Variants in SDCCAG8 observed in about 807,000 individuals in gnomAD.
SDCCAG8 encodes serologically defined colon cancer antigen 8.
In SDCCAG8, 74 loss-of-function variants were observed where a neutral mutation model predicts 101.8. The ratio of observed to expected loss-of-function variants is 0.73; its 90% CI spans 0.60 to 0.88. The LOEUF (loss-of-function observed/expected upper bound fraction) is 0.88. Among genes scored for constraint, SDCCAG8 ranks in the 40% least tolerant of loss-of-function variants. The pLI is 0.00. For missense variants in SDCCAG8, 787 were observed against 822.6 expected (o/e 0.96, Z 0.53); for synonymous variants, 281 against 292.9 (o/e 0.96, Z 0.41).
intron 4 of SDCCAG8, among the ~76,000 whole-genome samples, chr1:243,284,914 G>T (rs2069451817): frequency 6.6e-6 from 1 of 151,072 alleles, no homozygotes; most frequent in Non-Finnish European, 1.5e-5. Flanking sequence ...ACGGAGTCTC[G>T]CTCTGTCACC....
chr1:243,420,265 A>G (rs897366249), intron 15 of SDCCAG8, among the ~76,000 whole-genome samples: 1 of 152,180 alleles, frequency 6.6e-6, no homozygotes, highest in Non-Finnish European at 1.5e-5. Flanking sequence ...CTAAAGCCAC[A>G]CTGCAGGATT....
chr1:243,293,132 TG>T lies in SDCCAG8; in HGVS notation c.592del (p.Val198TrpfsTer26), dbSNP rs1558245446. 1 of 1,614,158 alleles carries T rather than the reference TG, an allele frequency of 6.2e-7. No individual in the cohort carries two copies. The highest frequency in any genetic ancestry group is 8.5e-7 in the Non-Finnish European group (1 of 1,180,006). ...NSWITTGEDS[G>X]VGETSKRPFS... is the part of the protein sequence containing the mutation. ...CTTGGATTACAACAGGTGAAGATTCTGGGGTGGGCGAAACCTCCAAAAGACC... is the reference window on the plus strand; with the variant it reads ...CTTGGATTACAACAGGTGAAGATTCTGGGTGGGCGAAACCTCCAAAAGACC... On this transcript the variant is annotated frameshift_variant, in exon 6 of 18. Coordinates refer to ENST00000366541, the MANE Select transcript of SDCCAG8 (RefSeq NM_006642.5). LOFTEE classifies it high-confidence loss of function.
chr1:243,386,184 G>T (rs1357406307), intron 13 of SDCCAG8, among the ~76,000 whole-genome samples: 1 of 152,160 alleles, frequency 6.6e-6, no homozygotes, highest in African/African-American at 2.4e-5. Context: ...GTAATTTACA[G>T]CTGAGGCAAC....
At chr1:243,347,845 CT>C (rs1302896758) in intron 12 of SDCCAG8, among the ~76,000 whole-genome samples, 2 of 152,196 alleles carry the variant, frequency 1.3e-5, no homozygotes, top group Non-Finnish European at 2.9e-5. Context: ...GAAGACGATT[CT>C]TTATAGCCGC....
intron 16 of SDCCAG8, among the ~76,000 whole-genome samples, chr1:243,448,800 T>C (rs193021794): frequency 2.6e-5 from 4 of 152,364 alleles, no homozygotes; most frequent in African/African-American, 9.6e-5. Context: ...CTCTTGCCTA[T>C]AGTTCAGATC....
intron 16 of SDCCAG8, among the ~76,000 whole-genome samples, chr1:243,484,873 A>G (rs562057733): frequency 1.8e-4 from 28 of 152,164 alleles, no homozygotes; most frequent in South Asian, 8.3e-4. Context: ...GTGAAACCCC[A>G]TCTCTACTAA....
intron 16 of SDCCAG8, among the ~76,000 whole-genome samples, chr1:243,487,230 C>T (rs1268030387): frequency 6.6e-6 from 1 of 152,176 alleles, no homozygotes; most frequent in Non-Finnish European, 1.5e-5. Flanking sequence ...GGGACGTCCT[C>T]CTCTCTCCCG....
At chr1:243,293,016 G>A in intron 5 of SDCCAG8, 75 bp from the exon 6 acceptor site, 15 of 1,525,046 alleles carry the variant, frequency 9.8e-6, no homozygotes, top group Non-Finnish European at 1.4e-5. Context: ...GGTAAGAATA[G>A]GTATTTTATT....
intron 16 of SDCCAG8, among the ~76,000 whole-genome samples, chr1:243,484,969 A>G (rs1185416533): frequency 6.6e-6 from 1 of 151,936 alleles, no homozygotes; most frequent in Non-Finnish European, 1.5e-5. Context: ...TCTTGAACCC[A>G]GGAGGCAGAG....
At chr1:243,409,638 G>A (rs561972976) in intron 13 of SDCCAG8, among the ~76,000 whole-genome samples, 38 of 152,284 alleles carry the variant, frequency 2.5e-4, no homozygotes, top group Admixed American at 6.5e-4. Context: ...AGAAAGCCAC[G>A]TGAACAATAG....
At chr1:243,278,988 A>C (rs1335431069) in intron 4 of SDCCAG8, among the ~76,000 whole-genome samples, 1 of 152,026 alleles carries the variant, frequency 6.6e-6, no homozygotes, top group Admixed American at 6.6e-5. Flanking sequence ...TTGAGGTCTC[A>C]TCATGTTGCC....
At chr1:243,445,130 A>C (rs1251065144) in intron 16 of SDCCAG8, among the ~76,000 whole-genome samples, 1 of 152,146 alleles carries the variant, frequency 6.6e-6, no homozygotes, top group Non-Finnish European at 1.5e-5. Flanking sequence ...TTATTTTCTA[A>C]TGTATTTCTA....
intron 10 of SDCCAG8, among the ~76,000 whole-genome samples, chr1:243,336,690 C>T (rs1385930841): frequency 6.6e-6 from 1 of 152,160 alleles, no homozygotes; most frequent in African/African-American, 2.4e-5. Context: ...CCTCCAACAT[C>T]GGGGATTACA....
intron 10 of SDCCAG8, among the ~76,000 whole-genome samples, chr1:243,333,771 T>A (rs1179499392): frequency 6.6e-6 from 1 of 152,198 alleles, no homozygotes; most frequent in East Asian, 1.9e-4. Flanking sequence ...AATGATGATG[T>A]GTGCTTTTTA....
intron 4 of SDCCAG8, among the ~76,000 whole-genome samples, chr1:243,278,465 C>T (rs952091855): frequency 2.0e-5 from 3 of 152,146 alleles, no homozygotes; most frequent in African/African-American, 4.8e-5. Context: ...GTGATCCACC[C>T]GCCTCGGTCT....
chr1:243,266,037 A>T (rs1558203543), intron 1 of SDCCAG8, among the ~76,000 whole-genome samples: 4 of 152,142 alleles, frequency 2.6e-5, no homozygotes. Context: ...CGCAACAAAA[A>T]TTTTTTATTG....
chr1:243,284,894 T>A (rs1190004219), intron 4 of SDCCAG8, among the ~76,000 whole-genome samples: 4 of 152,150 alleles, frequency 2.6e-5, no homozygotes, highest in African/African-American at 9.7e-5. Context: ...GGAATTTTTT[T>A]TTTTTTGAGA....
intron 16 of SDCCAG8, among the ~76,000 whole-genome samples, chr1:243,453,405 C>T (rs1243603941): frequency 6.6e-6 from 1 of 152,164 alleles, no homozygotes; most frequent in Non-Finnish European, 1.5e-5. Context: ...CTTGACTTTC[C>T]CTGGGCTTCA....
intron 12 of SDCCAG8, among the ~76,000 whole-genome samples, chr1:243,351,469 C>A (rs1202899005): frequency 6.6e-6 from 1 of 152,188 alleles, no homozygotes; most frequent in Non-Finnish European, 1.5e-5. Context: ...TCGACAAGTG[C>A]AAATTAATGT....
Sources: gnomAD v4.1 joint callset for allele counts (sites outside exome capture counted in the v4.1 genomes callset) on GRCh38, gnomAD v4.1.1 for gene constraint, MANE v1.5 for transcripts, NCBI Gene and HGNC (gene_info 2026-07-23, HGNC 2026-07-21) for gene names.